The following PCDHGB6 variants were observed in gnomAD, a reference collection of about 807,000 sequenced individuals.
PCDHGB6 encodes protocadherin gamma-B6.
Under a neutral mutation model 59.1 loss-of-function variants are expected in PCDHGB6, and 51 were observed. The observed-to-expected ratio is 0.86, with a 90% confidence interval of 0.69 to 1.09. PCDHGB6 has a LOEUF of 1.09. Ranked by LOEUF, PCDHGB6 falls within the 50% of genes least tolerant of loss-of-function variation. The pLI, the probability that PCDHGB6 is intolerant of heterozygous loss-of-function variation, is 0.00. For synonymous variants in PCDHGB6, 466 were observed against 495.1 expected (o/e 0.94, Z 0.78); for missense variants, 1,148 against 1,205.1 (o/e 0.95, Z 0.70).
At position 141,408,728 on chromosome 5, in the gene PCDHGB6, C is replaced by T. The variant is rs371316574; in HGVS notation, c.526C>T (p.Pro176Ser). ...SIKDYKINSN[P>S]YFSLMVRVNS... ...TAAAGATTATAAGATAAACTCTAAT[C>T]CTTATTTTTCATTAATGGTTAGAGT... The change falls in exon 1 of 4, where the codon CCT becomes TCT. Residue 176 changes from proline to serine, a missense_variant. Physicochemically the swap from Pro to Ser is moderately conservative, Grantham distance 74. Around this residue, in one of 5 missense-constraint regions of PCDHGB6, gnomAD observed 307 missense variants for 323.8 expected, o/e 0.95. Transcript: ENST00000520790. 6.2e-7 allele frequency: 1 copy of T among 1,610,292 alleles called. No homozygotes were observed. Among genetic ancestry groups the T allele is most frequent in the African/African-American group, 1.3e-5 (1 of 74,802 alleles).
In PCDHGB6 at chr5:141,486,727, T is replaced by C; in HGVS notation, c.2419-8080T>C. ...TGAACCCCCAGACAGGAGCTGTTCA[T>C]GCTACTCGATCCTTTGACTATGAGC... On this transcript the variant is annotated intron_variant, in intron 1 of 3. Transcript: ENST00000520790. The surrounding 1 kb of genome is among the most constrained non-coding windows in gnomAD (Gnocchi z 5.0). 6.2e-7 allele frequency: 1 copy of C among 1,614,232 alleles called. No homozygotes were observed. Among genetic ancestry groups the C allele is most frequent in the Non-Finnish European group, 8.5e-7 (1 of 1,180,044 alleles).
Position 141,436,345 on chromosome 5 carries a change from G to A in PCDHGB6, c.2418+25725G>A, listed in dbSNP as rs930858667. 5.9e-4 allele frequency among the ~76,000 whole-genome samples: 90 copies of A among 152,212 alleles called. 1 individual carries two copies. Among genetic ancestry groups the A allele is most frequent in the African/African-American group, 1.7e-3 (69 of 41,540 alleles). ...GTTAGACCATATCTCAAATATCAGT[G>A]ACTTCAATCAACTATGTTTCCAGTT... On this transcript the variant is annotated intron_variant, in intron 1 of 3. Coordinates refer to ENST00000520790, the MANE Select transcript of PCDHGB6 (RefSeq NM_018926.3).
Position 141,432,083 on chromosome 5 carries a change from G to T in PCDHGB6, c.2418+21463G>T, listed in dbSNP as rs1221754474. On this transcript the variant is annotated intron_variant, in intron 1 of 3. Transcript: ENST00000520790. The surrounding 1 kb of genome is among the most constrained non-coding windows in gnomAD (Gnocchi z 6.0). ...CACGGAAACTCATATCTCGCTGAAC[G>T]TGGCAGACACCAACGACAACCCGCC... The T allele has an allele frequency of 1.9e-6, 3 of 1,614,040 alleles. No individual in the cohort carries two copies. The highest frequency in any genetic ancestry group is 2.7e-5 in the African/African-American group (2 of 74,910).
chr5:141,495,470 C>A (rs2099761615), intron 2 of PCDHGB6, among the ~76,000 whole-genome samples: 1 of 152,196 alleles, frequency 6.6e-6, no homozygotes, highest in African/African-American at 2.4e-5. Flanking sequence ...GTGGGGTCTC[C>A]GTGTCTCTGC....
intron 1 of PCDHGB6, chr5:141,430,853 C>A: frequency 6.3e-7 from 1 of 1,587,214 alleles, no homozygotes; most frequent in Non-Finnish European, 8.6e-7. Flanking sequence ...CACCCAGATA[C>A]GCTATTCAGT....
chr5:141,494,897 C>T (rs1194879883), intron 2 of PCDHGB6, 32 bp downstream of exon 2: 2 of 1,614,122 alleles, frequency 1.2e-6, no homozygotes, highest in South Asian at 2.2e-5. Flanking sequence ...CCACCCTCTT[C>T]TCTGCGGCAT....
At chr5:141,418,740 TG>T in intron 1 of PCDHGB6, 1 of 1,613,972 alleles carries the variant, frequency 6.2e-7, no homozygotes, top group Non-Finnish European at 8.5e-7. Context: ...GTGTTCTCTC[TG>T]GATTACACTA....
At chr5:141,469,126 A>T (rs2099191838) in intron 1 of PCDHGB6, among the ~76,000 whole-genome samples, 1 of 151,470 alleles carries the variant, frequency 6.6e-6, no homozygotes, top group African/African-American at 2.4e-5. Context: ...AAATTTAAAA[A>T]TTAGCCAGAA....
intron 1 of PCDHGB6, chr5:141,410,849 CTTTTTTTTTTTTTT>C (rs759346998): frequency 7.7e-6 from 1 of 129,786 alleles, no homozygotes; most frequent in African/African-American, 6.0e-5. Context: ...TTGTCTTTGT[CTTTTTTTTTTTTTT>C]TTTTTTTTGA....
At chr5:141,413,870 T>A (rs2095687151) in intron 1 of PCDHGB6, 1 of 1,613,268 alleles carries the variant, frequency 6.2e-7, no homozygotes, top group Admixed American at 1.7e-5. Context: ...ACTGTCCTTG[T>A]CAGTGTGACT....
In PCDHGB6 at chr5:141,490,729, C is replaced by G. The variant is rs1365931429; in HGVS notation, c.2419-4078C>G. ...CCTCACCTACTCCATTGTAGGAAAT[C>G]AGGTTCAGGGAGCCCCAGCCTCCTC... On this transcript the variant is annotated intron_variant, in intron 1 of 3. Coordinates refer to ENST00000520790, the MANE Select transcript of PCDHGB6 (RefSeq NM_018926.3). The surrounding 1 kb of genome is among the most constrained non-coding windows in gnomAD (Gnocchi z 5.4). 1 of 1,614,184 alleles carries G rather than the reference C, an allele frequency of 6.2e-7. No homozygotes were observed.
At chr5:141,411,951 G>A (rs1589812278) in intron 1 of PCDHGB6, 1 of 152,252 alleles carries the variant, frequency 6.6e-6, no homozygotes, top group African/African-American at 2.4e-5. Context: ...GATTTTTGAA[G>A]AAAAAAGATA....
intron 1 of PCDHGB6, among the ~76,000 whole-genome samples, chr5:141,463,209 A>G (rs1189251811): frequency 6.6e-6 from 1 of 152,140 alleles, no homozygotes; most frequent in African/African-American, 2.4e-5. Flanking sequence ...TTGGGGATCC[A>G]TATTAATATT....
intron 2 of PCDHGB6, among the ~76,000 whole-genome samples, chr5:141,501,052 A>G (rs1007055288): frequency 6.6e-6 from 1 of 151,988 alleles, no homozygotes; most frequent in Non-Finnish European, 1.5e-5. Flanking sequence ...TATTTTTAGT[A>G]GAGACGGGGT....
At chr5:141,500,278 G>A (rs1338703900) in intron 2 of PCDHGB6, among the ~76,000 whole-genome samples, 2 of 150,508 alleles carry the variant, frequency 1.3e-5, no homozygotes, top group East Asian at 2.0e-4. Context: ...GCGCAATCTC[G>A]GCTCACTGCA....
At chr5:141,460,987 A>C (rs201722325) in intron 1 of PCDHGB6, among the ~76,000 whole-genome samples, 1 of 92,990 alleles carries the variant, frequency 1.1e-5, no homozygotes, top group South Asian at 3.4e-4. Context: ...GTGTGTGTAT[A>C]TATATATATG....
chr5:141,423,750 T>TGGG lies in PCDHGB6; in HGVS notation c.2418+13138_2418+13140dup, dbSNP rs144521096. 4.7e-3 allele frequency: 1,348 copies of TGGG among 288,070 alleles called. 1 individual carries two copies. The highest frequency in any genetic ancestry group is 5.4e-3 in the Non-Finnish European group (1,192 of 221,408). 17.8% of individuals were successfully genotyped at this position (288,070 alleles called of 1,614,324 possible). A position where few individuals can be genotyped will look rare whatever the true frequency, so the allele number is the denominator to read the frequency against. ...TTTTGAGCCTGTTATGAAAACTGTT[T>TGGG]GGGGGGGGGGTGGGGCGGCATATAT... is the stretch of plus-strand genomic sequence containing the variant. On this transcript the variant is annotated intron_variant, in intron 1 of 3. Coordinates refer to ENST00000520790, the MANE Select transcript of PCDHGB6 (RefSeq NM_018926.3).
At chr5:141,456,819 C>A (rs1453433865) in intron 1 of PCDHGB6, among the ~76,000 whole-genome samples, 1 of 151,982 alleles carries the variant, frequency 6.6e-6, no homozygotes, top group Non-Finnish European at 1.5e-5. Flanking sequence ...AAAAAATTAG[C>A]CATCGTGGTA....
rs1248714579 is a variant in PCDHGB6 at position 141,489,513 on chromosome 5, C to A, written c.2419-5294C>A. The A allele has an allele frequency of 6.2e-7, 1 of 1,614,000 alleles. No homozygotes were observed. Among genetic ancestry groups the A allele is most frequent in the African/African-American group, 1.3e-5 (1 of 74,918 alleles). ...CCCTGGCAGTGAATCAAAAGATTGACCGAGAAAGCCTATGTGGAGCCAGCA... is the reference window on the plus strand; with the variant it reads ...CCCTGGCAGTGAATCAAAAGATTGAACGAGAAAGCCTATGTGGAGCCAGCA... On this transcript the variant is annotated intron_variant, in intron 1 of 3. Coordinates refer to ENST00000520790, the MANE Select transcript of PCDHGB6 (RefSeq NM_018926.3). The surrounding 1 kb of genome is among the most constrained non-coding windows in gnomAD (Gnocchi z 4.5).
Sources: gnomAD v4.1 joint callset for allele counts (sites outside exome capture counted in the v4.1 genomes callset) on GRCh38, gnomAD v4.1.1 for gene constraint, gnomAD v4.1.1 regional missense constraint, Gnocchi (gnomAD v3.1) non-coding constraint, MANE v1.5 for transcripts, NCBI Gene and HGNC (gene_info 2026-07-23, HGNC 2026-07-21) for gene names.